The following DYM variants were observed in gnomAD, a reference collection of about 807,000 sequenced individuals.
DYM encodes the protein dyggve-Melchior-Clausen syndrome protein.
DYM carries 78 observed loss-of-function variants against 93.1 expected under a neutral mutation model. The observed-to-expected ratio is 0.84, with a 90% CI of 0.70 to 1.01. The LOEUF (loss-of-function observed/expected upper bound fraction) is 1.01. DYM is among the 50% of genes least tolerant of loss of function. DYM has a pLI of 0.00. For missense variants in DYM, 789 were observed against 845.0 expected (o/e 0.93, Z 0.82); for synonymous variants, 321 against 319.7 (o/e 1.00, Z -0.04).
intron 6 of DYM, among the ~76,000 whole-genome samples, chr18:49,346,002 G>T (rs2064560855): frequency 6.6e-6 from 1 of 152,178 alleles, no homozygotes; most frequent in South Asian, 2.1e-4. Context: ...AGGCTGTGGA[G>T]AAACTGAAAC....
At chr18:49,228,840 T>C (rs890779709) in intron 13 of DYM, among the ~76,000 whole-genome samples, 6 of 152,156 alleles carry the variant, frequency 3.9e-5, no homozygotes, top group African/African-American at 1.4e-4. Context: ...AGTGCATTTT[T>C]GGTGGCCATT....
chr18:49,211,141 A>T (rs1028094274), intron 13 of DYM, among the ~76,000 whole-genome samples: 58 of 152,316 alleles, frequency 3.8e-4, no homozygotes, highest in African/African-American at 1.3e-3. Flanking sequence ...AGAAATCTAA[A>T]TCCTGCTCAC....
intron 15 of DYM, among the ~76,000 whole-genome samples, chr18:49,122,495 G>A (rs1156232359): frequency 6.6e-6 from 1 of 152,190 alleles, no homozygotes; most frequent in Non-Finnish European, 1.5e-5. Flanking sequence ...TCTAATGCCT[G>A]ATGATCTGAG....
intron 1 of DYM, among the ~76,000 whole-genome samples, chr18:49,458,744 CAGG>C (rs1275103655): frequency 1.3e-5 from 2 of 152,122 alleles, no homozygotes; most frequent in African/African-American, 2.4e-5. Flanking sequence ...GAGGCTGAGG[CAGG>C]AGAATTGCTT....
At chr18:49,226,021 T>C (rs1309418254) in intron 13 of DYM, among the ~76,000 whole-genome samples, 5 of 152,148 alleles carry the variant, frequency 3.3e-5, no homozygotes. Context: ...TTAACTTGTC[T>C]TTGAAGACTT....
At chr18:49,441,468 T>A (rs1198717178) in intron 1 of DYM, among the ~76,000 whole-genome samples, 3 of 143,996 alleles carry the variant, frequency 2.1e-5, no homozygotes, top group African/African-American at 7.8e-5. Context: ...TGGGCAATAA[T>A]CACCAGCCAA....
At chr18:49,319,059 C>G (rs1169828486) in intron 8 of DYM, among the ~76,000 whole-genome samples, 6 of 152,070 alleles carry the variant, frequency 3.9e-5, no homozygotes, top group Non-Finnish European at 8.8e-5. Context: ...CCCACCTCGG[C>G]CTCCCAAAGT....
intron 16 of DYM, 90 bp from the exon 17 acceptor site, chr18:49,097,605 T>C: frequency 2.7e-6 from 3 of 1,112,280 alleles, no homozygotes; most frequent in Non-Finnish European, 4.0e-6. Context: ...CAAACTATCA[T>C]GATTCCATTC....
chr18:49,317,884 C>A (rs533333875), intron 8 of DYM, among the ~76,000 whole-genome samples: 78 of 151,958 alleles, frequency 5.1e-4, no homozygotes, highest in African/African-American at 1.9e-3. Flanking sequence ...TGCTAATGCA[C>A]TGAGGGTGCA....
intron 17 of DYM, among the ~76,000 whole-genome samples, chr18:49,056,751 G>A (rs986402410): frequency 6.7e-6 from 1 of 149,846 alleles, no homozygotes; most frequent in Non-Finnish European, 1.5e-5. Flanking sequence ...GTTTCACCAT[G>A]TTAGCCAGGA....
intron 8 of DYM, among the ~76,000 whole-genome samples, chr18:49,287,520 GAAA>G (rs1653357941): frequency 6.6e-6 from 1 of 151,384 alleles, no homozygotes; most frequent in East Asian, 1.9e-4. Context: ...TAAGACAAAA[GAAA>G]AAAAGACCAA....
At chr18:49,374,425 T>C (rs1212444078) in intron 5 of DYM, among the ~76,000 whole-genome samples, 3 of 152,168 alleles carry the variant, frequency 2.0e-5, no homozygotes, top group African/African-American at 7.2e-5. Context: ...TCCTACTTAG[T>C]GACTGAGAAA....
chr18:49,081,537 AGAGGGGAGAGG>A lies in DYM; in HGVS notation c.2025+15854_2025+15864del, dbSNP rs2078028135. Among the ~76,000 whole-genome samples the A allele has an allele frequency of 1.8e-3, 39 of 21,670 alleles. 1 individual carries two copies. The highest frequency in any genetic ancestry group is 3.2e-3 in the Non-Finnish European group (23 of 7,194). 14.2% of individuals were successfully genotyped at this position (21,670 alleles called of 152,430 possible). ...GACCGAGAGGGAGAGGGGAGAGGGG[AGAGGGGAGAGG>A]GGAGAGGGGAGAGGGGAGAGGGGAG... On this transcript the variant is annotated intron_variant, in intron 17 of 17. Transcript: ENST00000675505.
At chr18:49,270,434 G>T (rs1331607608) in intron 11 of DYM, among the ~76,000 whole-genome samples, 2 of 152,202 alleles carry the variant, frequency 1.3e-5, no homozygotes, top group Non-Finnish European at 2.9e-5. Context: ...GGGGGTGGAT[G>T]TGAGAAAATG....
At position 49,229,937 on chromosome 18, in the gene DYM, G is replaced by A. The variant is rs557620379; in HGVS notation, c.1461-20222C>T. ...AAAATACTTGCTCAGTAATAAAAAC[G>A]AATGATACACACAAGAACATGGATA... On this transcript the variant is annotated intron_variant, in intron 13 of 17. Transcript: ENST00000675505. 1.8e-4 allele frequency among the ~76,000 whole-genome samples: 28 copies of A among 152,196 alleles called. No individual in the cohort carries two copies. In the South Asian group the frequency reaches 2.7e-3, roughly 15 times the overall value.
intron 15 of DYM, among the ~76,000 whole-genome samples, chr18:49,146,162 G>C (rs779466015): frequency 2.0e-5 from 3 of 152,022 alleles, no homozygotes; most frequent in Non-Finnish European, 2.9e-5. Context: ...GAATGCTGAA[G>C]CTAAAAACAA....
intron 14 of DYM, among the ~76,000 whole-genome samples, chr18:49,187,868 A>T (rs980580071): frequency 9.2e-5 from 14 of 152,228 alleles, no homozygotes; most frequent in African/African-American, 3.1e-4. Flanking sequence ...TATGCTAAAA[A>T]ACACAATAGG....
intron 8 of DYM, among the ~76,000 whole-genome samples, chr18:49,289,359 G>A (rs1003951041): frequency 1.4e-4 from 16 of 116,706 alleles, no homozygotes; most frequent in East Asian, 2.4e-4. Flanking sequence ...AGCAACATTC[G>A]TAACATGCAT....
At chr18:49,287,834 A>G (rs1304646195) in intron 8 of DYM, among the ~76,000 whole-genome samples, 1 of 149,500 alleles carries the variant, frequency 6.7e-6, no homozygotes, top group Non-Finnish European at 1.5e-5. Context: ...GTCTCAAAAA[A>G]AAAAAAAAAA....
Sources: gnomAD v4.1 joint callset for allele counts (sites outside exome capture counted in the v4.1 genomes callset) on GRCh38, gnomAD v4.1.1 for gene constraint, MANE v1.5 for transcripts, NCBI Gene and HGNC (gene_info 2026-07-23, HGNC 2026-07-21) for gene names.